GRIN2A: variants seen among roughly 807,000 people sequenced by gnomAD.
GRIN2A encodes the protein glutamate ionotropic receptor NMDA type subunit 2A.
In GRIN2A, 22 loss-of-function variants were observed where a neutral mutation model predicts 113.4. The ratio of observed to expected loss-of-function variants is 0.19; its 90% confidence interval spans 0.14 to 0.28. GRIN2A has a LOEUF of 0.28. Ranked by LOEUF, GRIN2A falls within the 10% of genes least tolerant of loss-of-function variation. The pLI is 1.00. For missense variants in GRIN2A, 1,502 were observed against 1,887.0 expected, an observed-to-expected ratio of 0.80 and a Z score of 3.78; for synonymous variants, 827 against 738.4, an observed-to-expected ratio of 1.12 and a Z score of -1.94.
chr16:9,765,557 AG>A (rs1011866642), intron 12 of GRIN2A, among the ~76,000 whole-genome samples: 18 of 152,120 alleles, frequency 1.2e-4, no homozygotes, highest in African/African-American at 3.9e-4. Context: ...ATACTCTTTG[AG>A]GGGGGGATAG....
chr16:10,176,915 T>A (rs1439763084), intron 2 of GRIN2A, among the ~76,000 whole-genome samples: 1 of 152,176 alleles, frequency 6.6e-6, no homozygotes, highest in South Asian at 2.1e-4. Flanking sequence ...GATAACCAAA[T>A]TGACTACTAT....
chr16:10,056,990 A>C (rs2047467392), intron 2 of GRIN2A, among the ~76,000 whole-genome samples: 1 of 151,918 alleles, frequency 6.6e-6, no homozygotes, highest in African/African-American at 2.4e-5. Context: ...TAATCTTCTC[A>C]ACTATACAAC....
chr16:9,874,006 A>G (rs1596525895), intron 4 of GRIN2A, among the ~76,000 whole-genome samples: 1 of 152,348 alleles, frequency 6.6e-6, no homozygotes, highest in South Asian at 2.1e-4. Flanking sequence ...GAGTCATTCT[A>G]CAACTCCCTT....
intron 2 of GRIN2A, among the ~76,000 whole-genome samples, chr16:10,103,140 A>G (rs549934286): frequency 6.6e-6 from 1 of 151,748 alleles, no homozygotes; most frequent in East Asian, 1.9e-4. Context: ...AATAGATACT[A>G]TCAGCAGCAA....
intron 2 of GRIN2A, among the ~76,000 whole-genome samples, chr16:9,958,147 G>T (rs887906507): frequency 6.6e-6 from 1 of 152,164 alleles, no homozygotes; most frequent in Non-Finnish European, 1.5e-5. Context: ...TTCTGCATAA[G>T]CGACTGTGAG....
chr16:9,904,621 C>A (rs1447583651), intron 3 of GRIN2A, among the ~76,000 whole-genome samples: 1 of 152,160 alleles, frequency 6.6e-6, no homozygotes, highest in Non-Finnish European at 1.5e-5. Context: ...GATCTGTCCA[C>A]CTCAGCCTCC....
intron 2 of GRIN2A, among the ~76,000 whole-genome samples, chr16:10,069,576 G>A (rs1052956491): frequency 6.6e-6 from 1 of 152,250 alleles, no homozygotes; most frequent in South Asian, 2.1e-4. Context: ...ACCTCGTGCT[G>A]CAGTAGAAGG....
At chr16:9,907,258 G>A (rs763862181) in intron 3 of GRIN2A, among the ~76,000 whole-genome samples, 1 of 152,146 alleles carries the variant, frequency 6.6e-6, no homozygotes, top group Non-Finnish European at 1.5e-5. Context: ...ATCGTTGTAT[G>A]GATAAACAAT....
Position 9,998,579 on chromosome 16 carries a change from CAT to C in GRIN2A, c.415-60030_415-60029del, listed in dbSNP as rs2046267022. On this transcript the variant is annotated intron_variant, in intron 2 of 12. Transcript: ENST00000330684. ...ATGGGCACTTTACTGCAATAAAAAA[CAT>C]AGAACTGCCAGATCACAAAGTATGC... Among the ~76,000 whole-genome samples the C allele has an allele frequency of 2.6e-5, 4 of 152,298 alleles. No homozygotes were observed. The South Asian group carries it at 8.3e-4, about 32-fold the overall frequency.
At chr16:9,829,317 C>T (rs375236773) in intron 9 of GRIN2A, 106 bp downstream of exon 9, 1 of 728,398 alleles carries the variant, frequency 1.4e-6, no homozygotes. Flanking sequence ...GGCTTTTGTG[C>T]ATTCGAGTTG....
chr16:9,865,824 T>G (rs1436709826), intron 4 of GRIN2A, among the ~76,000 whole-genome samples: 1 of 152,166 alleles, frequency 6.6e-6, no homozygotes, highest in Non-Finnish European at 1.5e-5. Flanking sequence ...TAAGAATGGG[T>G]TTTCCTTTTC....
intron 2 of GRIN2A, among the ~76,000 whole-genome samples, chr16:9,985,541 A>G (rs984603046): frequency 3.3e-5 from 5 of 152,182 alleles, no homozygotes; most frequent in African/African-American, 1.2e-4. Flanking sequence ...ATTTGCAACA[A>G]TATGGATGGA....
At chr16:10,132,687 C>T (rs2049092226) in intron 2 of GRIN2A, among the ~76,000 whole-genome samples, 1 of 152,140 alleles carries the variant, frequency 6.6e-6, no homozygotes, top group South Asian at 2.1e-4. Context: ...GTTTCCACAA[C>T]CACAAAATGG....
At chr16:9,935,692 C>T (rs1449959472) in intron 3 of GRIN2A, among the ~76,000 whole-genome samples, 1 of 151,918 alleles carries the variant, frequency 6.6e-6, no homozygotes, top group African/African-American at 2.4e-5. Flanking sequence ...CTGTATTTCC[C>T]TTTTATTATT....
intron 2 of GRIN2A, among the ~76,000 whole-genome samples, chr16:10,102,460 C>T (rs866228606): frequency 1.1e-4 from 17 of 152,326 alleles, no homozygotes; most frequent in Middle Eastern, 3.4e-3. Context: ...TCCTGTATAG[C>T]CTGCAGAACC....
chr16:9,910,891 T>G (rs192989240), intron 3 of GRIN2A, among the ~76,000 whole-genome samples: 1 of 152,070 alleles, frequency 6.6e-6, no homozygotes, highest in Non-Finnish European at 1.5e-5. Context: ...ACAATACCTC[T>G]GGCAGATAGG....
At chr16:9,883,050 A>G (rs2043515736) in intron 4 of GRIN2A, among the ~76,000 whole-genome samples, 1 of 152,148 alleles carries the variant, frequency 6.6e-6, no homozygotes, top group African/African-American at 2.4e-5. Context: ...TCCATCACAC[A>G]CCAGCTGGGA....
chr16:9,844,923 T>G (rs1369585369), intron 5 of GRIN2A, among the ~76,000 whole-genome samples: 2 of 152,184 alleles, frequency 1.3e-5, no homozygotes, highest in African/African-American at 2.4e-5. Context: ...CCTGGTATTC[T>G]TAGAAGATCC....
chr16:10,025,911 A>G (rs1361458057), intron 2 of GRIN2A, among the ~76,000 whole-genome samples: 2 of 152,184 alleles, frequency 1.3e-5, no homozygotes, highest in Non-Finnish European at 2.9e-5. Context: ...AGTTTCCTCT[A>G]AAGAAAAAAT....
Sources: gnomAD v4.1 joint callset for allele counts (sites outside exome capture counted in the v4.1 genomes callset) on GRCh38, gnomAD v4.1.1 for gene constraint, MANE v1.5 for transcripts, NCBI Gene and HGNC (gene_info 2026-07-23, HGNC 2026-07-21) for gene names.